The following RS1 variants were observed in gnomAD, a reference collection of about 807,000 sequenced individuals.
RS1 encodes retinoschisin.
Under a neutral mutation model 20.8 loss-of-function variants are expected in RS1, and 2 were observed. That is an observed-to-expected ratio of 0.10 (90% CI 0.04 to 0.30). The LOEUF is 0.30. Ranked by LOEUF, RS1 falls within the 10% of genes least tolerant of loss-of-function variation. RS1 has a pLI of 1.00. For missense variants in RS1, 151 were observed against 189.8 expected, an observed-to-expected ratio of 0.80 and a Z score of 1.20; for synonymous variants, 70 against 75.8, an observed-to-expected ratio of 0.92 and a Z score of 0.40.
In RS1 at chrX:18,645,302, G is replaced by A. The variant is rs137992068; in HGVS notation, c.327-677C>T. On this transcript the variant is annotated intron_variant, in intron 4 of 5. Coordinates refer to ENST00000379984, the MANE Select transcript of RS1 (RefSeq NM_000330.4). ...CTTTTCCAGACTTATTCCTTGGGTG[G>A]CTCCTGACTTTTCACTTCTATCCCA... Among the ~76,000 whole-genome samples the A allele has an allele frequency of 5.9e-3, 658 of 110,867 alleles. 11 individuals carry two copies. In the East Asian group the frequency reaches 0.064, roughly 11 times the overall value.
chrX:18,670,146 G>A (rs962439335), intron 1 of RS1, among the ~76,000 whole-genome samples: 4 of 110,740 alleles, frequency 3.6e-5, no homozygotes, highest in Non-Finnish European at 7.6e-5. Context: ...TTCGCATCGC[G>A]GGGGTGGGGA....
At chrX:18,642,487 T>C (rs1927619632) in intron 5 of RS1, among the ~76,000 whole-genome samples, 1 of 108,941 alleles carries the variant, frequency 9.2e-6, no homozygotes, top group Non-Finnish European at 1.9e-5. Context: ...GATGTGAACA[T>C]TTCCATCACA....
intron 3 of RS1, chrX:18,653,555 C>A: frequency 8.3e-7 from 1 of 1,209,637 alleles, no homozygotes; most frequent in Non-Finnish European, 1.1e-6. Flanking sequence ...CTTCTGCAAG[C>A]CTGCGGCTGG....
intron 1 of RS1, among the ~76,000 whole-genome samples, chrX:18,659,573 G>C (rs997901718): frequency 9.0e-6 from 1 of 111,517 alleles, no homozygotes; most frequent in African/African-American, 3.2e-5. Context: ...AGTGGCTACC[G>C]TACTGGCTAA....
Position 18,640,731 on chromosome X carries a change from T to C in RS1, c.*1273A>G, listed in dbSNP as rs990253874. 1 of 112,365 alleles carries C rather than the reference T, an allele frequency of 8.9e-6. No individual in the cohort carries two copies. The highest frequency in any genetic ancestry group is 3.2e-5 in the African/African-American group (1 of 30,822). The allele number at this position is 112,365 out of a possible 1,213,427, so 9.3% of individuals were successfully genotyped here. A position where few individuals can be genotyped will look rare whatever the true frequency, so the allele number is the denominator to read the frequency against. Reference sequence around the variant, plus strand: ...TCGGAAATGAGCTGCTAGCAAAGACTACCCTGTGTCTGGGGCCAGAACAGT... The same window carrying C: ...TCGGAAATGAGCTGCTAGCAAAGACCACCCTGTGTCTGGGGCCAGAACAGT... On this transcript the variant is annotated 3_prime_UTR_variant, in exon 6 of 6. Coordinates refer to ENST00000379984, the MANE Select transcript of RS1 (RefSeq NM_000330.4).
At chrX:18,665,776 G>A (rs770100305) in intron 1 of RS1, among the ~76,000 whole-genome samples, 82 of 105,930 alleles carry the variant, frequency 7.7e-4, no homozygotes, top group Non-Finnish European at 1.3e-3. Flanking sequence ...CCTGTGATCC[G>A]AGCTACTTGG....
intron 3 of RS1, chrX:18,653,743 G>A (rs1251536815): frequency 1.4e-5 from 7 of 486,973 alleles, no homozygotes; most frequent in Non-Finnish European, 2.0e-5. Context: ...CCGAGCAGGT[G>A]CATTGCCTGA....
chrX:18,661,473 TAGTC>T (rs967765601), intron 1 of RS1, among the ~76,000 whole-genome samples: 4 of 111,852 alleles, frequency 3.6e-5, no homozygotes, highest in Admixed American at 9.5e-5. Context: ...CGGCTTGTGT[TAGTC>T]AGCCCCATTA....
chrX:18,665,558 A>G (rs1928391486), intron 1 of RS1, among the ~76,000 whole-genome samples: 1 of 110,282 alleles, frequency 9.1e-6, no homozygotes, highest in Non-Finnish European at 1.9e-5. Context: ...CCGCCTGCTC[A>G]GCCCATTCCC....
intron 1 of RS1, among the ~76,000 whole-genome samples, chrX:18,662,152 G>A (rs1928322868): frequency 8.9e-6 from 1 of 112,271 alleles, no homozygotes; most frequent in African/African-American, 3.2e-5. Flanking sequence ...CCTTGATCGT[G>A]GACTTCCCAG....
At position 18,641,131 on chromosome X, in the gene RS1, G is replaced by A. The variant is rs919563543; in HGVS notation, c.*873C>T. 4 of 112,374 alleles carry A rather than the reference G, an allele frequency of 3.6e-5. No homozygotes were observed. The highest frequency in any genetic ancestry group is 1.3e-4 in the African/African-American group (4 of 30,906). 9.3% of individuals were successfully genotyped at this position (112,374 alleles called of 1,213,427 possible). On this transcript the variant is annotated 3_prime_UTR_variant, in exon 6 of 6. Coordinates refer to ENST00000379984, the MANE Select transcript of RS1 (RefSeq NM_000330.4). ...GGTAGCTCCTGGGCCAGCTGTTCTC[G>A]AACTATGTTTGGTTTGCTAGGAAAT...
At position 18,639,954 on chromosome X, in the gene RS1, C is replaced by T. The variant is rs563753319; in HGVS notation, c.*2050G>A. The T allele has an allele frequency of 2.7e-5, 3 of 111,860 alleles. No individual in the cohort carries two copies. The highest frequency in any genetic ancestry group is 3.7e-4 in the South Asian group (1 of 2,674). 9.2% of individuals were successfully genotyped at this position (111,860 alleles called of 1,213,427 possible). On this transcript the variant is annotated 3_prime_UTR_variant, in exon 6 of 6. Coordinates refer to ENST00000379984, the MANE Select transcript of RS1 (RefSeq NM_000330.4). ...TCATTTATGTAGAACGTCCAGAAGGCCAATCTACAGAGACAGTCGATTCGT... is the reference window on the plus strand; with the variant it reads ...TCATTTATGTAGAACGTCCAGAAGGTCAATCTACAGAGACAGTCGATTCGT...
intron 1 of RS1, among the ~76,000 whole-genome samples, chrX:18,658,565 C>T (rs1928259627): frequency 1.8e-5 from 2 of 110,419 alleles, no homozygotes; most frequent in Non-Finnish European, 3.8e-5. Flanking sequence ...AAGCAGTTCT[C>T]CTGCCTCAGC....
At chrX:18,649,336 G>A (rs1927931356) in intron 3 of RS1, among the ~76,000 whole-genome samples, 1 of 111,862 alleles carries the variant, frequency 8.9e-6, no homozygotes, top group Non-Finnish European at 1.9e-5. Flanking sequence ...CTGGGCTCAA[G>A]TGATCCTCCC....
chrX:18,649,274 C>T (rs1194517308), intron 3 of RS1, among the ~76,000 whole-genome samples: 1 of 111,116 alleles, frequency 9.0e-6, no homozygotes, highest in Non-Finnish European at 1.9e-5. Context: ...CTCGCTGTGT[C>T]GCACAGGCTG....
At chrX:18,662,588 G>T (rs1013190952) in intron 1 of RS1, among the ~76,000 whole-genome samples, 2 of 109,619 alleles carry the variant, frequency 1.8e-5, no homozygotes, top group African/African-American at 6.6e-5. Context: ...TGCTCAGAAT[G>T]ATGGTTTCCA....
chrX:18,647,501 C>G, intron 3 of RS1, 169 bp from the exon 4 acceptor site: 3 of 491,515 alleles, frequency 6.1e-6, no homozygotes, highest in East Asian at 7.4e-5. Flanking sequence ...CGGTTCACTA[C>G]TCACGCAAGA....
At chrX:18,645,185 C>T (rs1299022523) in intron 4 of RS1, among the ~76,000 whole-genome samples, 2 of 111,893 alleles carry the variant, frequency 1.8e-5, no homozygotes, top group African/African-American at 6.5e-5. Context: ...TCGTGGAAAC[C>T]TATAGTAGTT....
intron 1 of RS1, among the ~76,000 whole-genome samples, chrX:18,664,104 C>T (rs1928363987): frequency 8.9e-6 from 1 of 112,340 alleles, no homozygotes; most frequent in South Asian, 3.6e-4. Flanking sequence ...AAACCAAAAA[C>T]ATGTGCTAGA....
Sources: allele counts gnomAD v4.1 joint callset (sites outside exome capture counted in the v4.1 genomes callset), GRCh38; gene constraint gnomAD v4.1.1; transcripts MANE v1.5; gene names NCBI Gene and HGNC (gene_info 2026-07-23, HGNC 2026-07-21).